The following PCOLCE2 variants were observed in gnomAD, a reference collection of about 807,000 sequenced individuals.
The protein encoded by PCOLCE2 is procollagen C-endopeptidase enhancer 2.
Under a neutral mutation model 47.0 loss-of-function variants are expected in PCOLCE2, and 42 were observed. That is an observed-to-expected ratio of 0.89 (90% CI 0.70 to 1.16). The LOEUF (loss-of-function observed/expected upper bound fraction) is 1.16, where lower values mean the gene tolerates loss of function less well. Among genes scored for constraint, PCOLCE2 ranks in the 50% most tolerant of loss-of-function variants. PCOLCE2 has a pLI of 0.00. For synonymous variants in PCOLCE2, 169 were observed against 191.7 expected (o/e 0.88, Z 0.98); for missense variants, 500 against 526.1 (o/e 0.95, Z 0.49).
At chr3:142,835,814 T>A (rs1937196983) in intron 5 of PCOLCE2, among the ~76,000 whole-genome samples, 2 of 152,190 alleles carry the variant, frequency 1.3e-5, no homozygotes, top group African/African-American at 2.4e-5. Context: ...GTTAATTTTT[T>A]TAAAAAAATT....
chr3:142,821,788 G>A (rs915452167), intron 7 of PCOLCE2, among the ~76,000 whole-genome samples: 1 of 151,484 alleles, frequency 6.6e-6, no homozygotes, highest in African/African-American at 2.4e-5. Context: ...TCCGAGAAAA[G>A]AGTCTCTCTT....
chr3:142,819,311 TA>T (rs1436442300), intron 8 of PCOLCE2, among the ~76,000 whole-genome samples: 2 of 152,198 alleles, frequency 1.3e-5, no homozygotes, highest in Non-Finnish European at 2.9e-5. Flanking sequence ...AGGTATGGGT[TA>T]ATTCCTCCTT....
chr3:142,854,353 T>C (rs79123834), intron 2 of PCOLCE2, among the ~76,000 whole-genome samples: 1 of 24,054 alleles, frequency 4.2e-5, no homozygotes, highest in Non-Finnish European at 1.3e-4. Flanking sequence ...AAGCTCGAGG[T>C]GACCACTCAG....
rs746815648 is a variant in PCOLCE2 at position 142,820,886 on chromosome 3, A to G, written c.1109T>C (p.Leu370Pro). ...GTTTTCTCCCTACTCACCTCTTCTG[A>G]GGAGAGGGCACTGCTTGCAGACGAC... The part of the protein sequence containing the change: ...LTVVCKQCPL[L>P]RRGLNYIIMG... The change falls in exon 8 of 9, where the codon CTC becomes CCC. Residue 370 changes from leucine to proline, a missense_variant. Transcript: ENST00000295992. 3 of 1,612,354 alleles carry G rather than the reference A, an allele frequency of 1.9e-6. No homozygotes were observed. In the East Asian group the frequency reaches 6.7e-5, roughly 36 times the overall value.
Position 142,818,460 on chromosome 3 carries a change from T to C in PCOLCE2, c.1123A>G (p.Asn375Asp). The C allele has an allele frequency of 1.2e-6, 2 of 1,610,368 alleles. No individual in the cohort carries two copies. The highest frequency in any genetic ancestry group is 1.1e-5 in the South Asian group (1 of 90,978). ...CCTACTTGGCCCATAATAATGTAAT[T>C]TAGACCTAAAGAAAGAGAATACAGA... ...KQCPLLRRGLNYIIMGQVGED... is the reference protein window; with the variant it reads ...KQCPLLRRGLDYIIMGQVGED... The change falls in exon 9 of 9, where the codon AAT becomes GAT. Residue 375 changes from asparagine to aspartate, a missense_variant. Transcript: ENST00000295992.
chr3:142,870,210 T>C (rs1933359773), intron 2 of PCOLCE2, among the ~76,000 whole-genome samples: 1 of 152,202 alleles, frequency 6.6e-6, no homozygotes, highest in South Asian at 2.1e-4. Flanking sequence ...CAGATGGTTC[T>C]GGATAGTCAA....
intron 2 of PCOLCE2, among the ~76,000 whole-genome samples, chr3:142,879,760 G>C (rs962471494): frequency 1.3e-5 from 2 of 152,104 alleles, no homozygotes; most frequent in Non-Finnish European, 2.9e-5. Context: ...ACGAGGTCAG[G>C]AGATCGAGAC....
At position 142,823,629 on chromosome 3, in the gene PCOLCE2, A is replaced by C; in HGVS notation, c.866-14T>G. The C allele has an allele frequency of 1.3e-6, 2 of 1,513,848 alleles. No homozygotes were observed. Among genetic ancestry groups the C allele is most frequent in the Non-Finnish European group, 9.1e-7 (1 of 1,093,890 alleles). 93.8% of individuals were successfully genotyped at this position (1,513,848 alleles called of 1,614,324 possible). On this transcript the variant is annotated splice_polypyrimidine_tract_variant and intron_variant, in intron 6 of 8. Transcript: ENST00000295992. ...TGGGTTTTAAACCTTAATTCAAAGA[A>C]GACATAAGTTTCACGAAAAATGAAT... is the stretch of plus-strand genomic sequence containing the variant.
chr3:142,859,756 AG>A (rs1419334945), intron 2 of PCOLCE2, among the ~76,000 whole-genome samples: 3 of 152,084 alleles, frequency 2.0e-5, no homozygotes, highest in Non-Finnish European at 2.9e-5. Flanking sequence ...TAGTAGAAAC[AG>A]GGTTTCACCA....
At position 142,818,464 on chromosome 3, in the gene PCOLCE2, AC is replaced by A. The variant is rs763467655; in HGVS notation, c.1118del (p.Gly373ValfsTer2). ...CTTGGCCCATAATAATGTAATTTAG[AC>A]CTAAAGAAAGAGAATACAGAAATTA... ...VCKQCPLLRR[G>X]LNYIIMGQVG... On this transcript the variant is annotated frameshift_variant and splice_region_variant, in exon 9 of 9. Transcript: ENST00000295992. LOFTEE classifies it high-confidence loss of function. 8.1e-6 allele frequency: 13 copies of A among 1,609,332 alleles called. No homozygotes were observed. The African/African-American group carries it at 1.3e-4, about 17-fold the overall frequency.
intron 6 of PCOLCE2, among the ~76,000 whole-genome samples, chr3:142,825,015 G>A (rs1286641095): frequency 6.6e-6 from 1 of 152,162 alleles, no homozygotes; most frequent in African/African-American, 2.4e-5. Flanking sequence ...GTAATTTAAT[G>A]TTAAAATACA....
At chr3:142,849,932 CT>C (rs1417440485) in intron 2 of PCOLCE2, among the ~76,000 whole-genome samples, 1 of 151,502 alleles carries the variant, frequency 6.6e-6, no homozygotes, top group African/African-American at 2.4e-5. Flanking sequence ...GTGCTATTTG[CT>C]TTTTGTGTCA....
intron 2 of PCOLCE2, among the ~76,000 whole-genome samples, chr3:142,879,708 G>A (rs1933565042): frequency 6.6e-6 from 1 of 152,168 alleles, no homozygotes; most frequent in South Asian, 2.1e-4. Context: ...GGTGGCTCAC[G>A]CCTATAATCC....
At chr3:142,875,037 G>A (rs1247688053) in intron 2 of PCOLCE2, among the ~76,000 whole-genome samples, 1 of 152,146 alleles carries the variant, frequency 6.6e-6, no homozygotes, top group African/African-American at 2.4e-5. Flanking sequence ...TATATGCATT[G>A]CTAAGATTTA....
At chr3:142,858,670 G>A (rs138231534) in intron 2 of PCOLCE2, among the ~76,000 whole-genome samples, 28 of 152,198 alleles carry the variant, frequency 1.8e-4, no homozygotes, top group African/African-American at 5.3e-4. Context: ...TCATATGCCC[G>A]TCCCAAGCAG....
Position 142,821,792 on chromosome 3 carries a change from C to T in PCOLCE2, c.950-747G>A, listed in dbSNP as rs145228048. 5.3e-3 allele frequency among the ~76,000 whole-genome samples: 806 copies of T among 151,644 alleles called. 4 individuals carry two copies. Among genetic ancestry groups the T allele is most frequent in the African/African-American group, 0.018 (748 of 41,312 alleles). On this transcript the variant is annotated intron_variant, in intron 7 of 8. Coordinates refer to ENST00000295992, the MANE Select transcript of PCOLCE2 (RefSeq NM_013363.4). ...CATCATGACACTCCGAGAAAAGAGTCTCTCTTTGAAGCCACAGAAGGAAAG... is the reference window on the plus strand; with the variant it reads ...CATCATGACACTCCGAGAAAAGAGTTTCTCTTTGAAGCCACAGAAGGAAAG...
In PCOLCE2 at chr3:142,848,406, G is replaced by C. The variant is rs200433586; in HGVS notation, c.259C>G (p.Arg87Gly). 9.9e-6 allele frequency: 16 copies of C among 1,613,280 alleles called. No individual in the cohort carries two copies. In the Admixed American group the frequency reaches 2.2e-4, roughly 22 times the overall value. Residue 87 changes from arginine to glycine, a missense_variant, in exon 3 of 9, where the codon CGC becomes GGC. By Grantham distance (125) the Arg-to-Gly change is moderately radical. Transcript: ENST00000295992. The part of the protein sequence containing the change: ...FIDLESDNLC[R>G]YDFVDVYNGH... Reference sequence around the variant, plus strand: ...TTGTACACATCCACAAAGTCATAGCGGCACAGGTTGTCACTCTCGAGGTCT... The same window carrying C: ...TTGTACACATCCACAAAGTCATAGCCGCACAGGTTGTCACTCTCGAGGTCT...
intron 6 of PCOLCE2, 43 bp from the exon 7 acceptor site, chr3:142,823,658 A>G: frequency 8.8e-7 from 1 of 1,135,114 alleles, no homozygotes; most frequent in Non-Finnish European, 1.3e-6. Flanking sequence ...AATGAATTCA[A>G]GCATAATTGG....
At chr3:142,824,215 C>A (rs1300685329) in intron 6 of PCOLCE2, among the ~76,000 whole-genome samples, 1 of 151,774 alleles carries the variant, frequency 6.6e-6, no homozygotes, top group African/African-American at 2.4e-5. Flanking sequence ...ACCAAATAGA[C>A]AAAACACAGC....
Sources: allele counts gnomAD v4.1 joint callset (sites outside exome capture counted in the v4.1 genomes callset), GRCh38; gene constraint gnomAD v4.1.1; transcripts MANE v1.5; gene names NCBI Gene and HGNC (gene_info 2026-07-23, HGNC 2026-07-21).